Variants in MGAT4C observed in about 807,000 individuals in gnomAD.
The protein encoded by MGAT4C is MGAT4 family member C.
In MGAT4C, 19 loss-of-function variants were observed where a neutral mutation model predicts 40.1. That is an observed-to-expected ratio of 0.47 (90% CI 0.33 to 0.70). The LOEUF is 0.70. Among genes scored for constraint, MGAT4C ranks in the 30% least tolerant of loss-of-function variants. The probability of loss-of-function intolerance (pLI) is 0.02; values close to 1 mark genes in which losing one functional copy is unlikely to be tolerated. For missense variants in MGAT4C, 491 were observed against 563.2 expected (o/e 0.87, Z 1.30); for synonymous variants, 181 against 187.1 (o/e 0.97, Z 0.27).
At chr12:86,223,757 C>A (rs1397928407) in intron 1 of MGAT4C, among the ~76,000 whole-genome samples, 1 of 152,190 alleles carries the variant, frequency 6.6e-6, no homozygotes, top group Non-Finnish European at 1.5e-5. Flanking sequence ...TGCCTGAACA[C>A]TCCTTCTAAC....
At chr12:86,134,719 T>C in intron 1 of MGAT4C, among the ~76,000 whole-genome samples, 1 of 152,096 alleles carries the variant, frequency 6.6e-6, no homozygotes, top group Non-Finnish European at 1.5e-5. Flanking sequence ...AATAAAAGCC[T>C]CTCTTTCTGG....
chr12:86,093,981 T>A (rs1873405705), intron 1 of MGAT4C, among the ~76,000 whole-genome samples: 1 of 152,206 alleles, frequency 6.6e-6, no homozygotes, highest in South Asian at 2.1e-4. Flanking sequence ...GTCTTACTCA[T>A]AGACACTGAA....
intron 2 of MGAT4C, among the ~76,000 whole-genome samples, chr12:86,446,684 T>TATATATATATAC (rs1957345279): frequency 7.9e-6 from 1 of 126,598 alleles, no homozygotes; most frequent in African/African-American, 3.1e-5. Flanking sequence ...TATATATATA[T>TATATATATATAC]ATATATATAT....
At chr12:86,694,672 G>T (rs1010828202) in intron 2 of MGAT4C, among the ~76,000 whole-genome samples, 1 of 152,150 alleles carries the variant, frequency 6.6e-6, no homozygotes, top group Non-Finnish European at 1.5e-5. Context: ...AATTATCAAG[G>T]TTATTTATAC....
chr12:86,207,594 T>C (rs938901044), intron 1 of MGAT4C, among the ~76,000 whole-genome samples: 7 of 152,034 alleles, frequency 4.6e-5, no homozygotes, highest in Non-Finnish European at 8.8e-5. Flanking sequence ...AAAAACAGCA[T>C]GAACAAGAAT....
At position 85,974,580 on chromosome 12, in the gene MGAT4C, G is replaced by A. The variant is rs539278810; in HGVS notation, c.*4709C>T. ...ACACAGATTGAGAGATTAACCATAT[G>A]TAGATACACACATGCACATATGCAA... On this transcript the variant is annotated 3_prime_UTR_variant, in exon 5 of 5. Coordinates refer to ENST00000611864, the MANE Select transcript of MGAT4C (RefSeq NM_001351288.2). The A allele has an allele frequency of 4.7e-5, 7 of 150,432 alleles. No individual in the cohort carries two copies. In the East Asian group the frequency reaches 9.7e-4, roughly 21 times the overall value. 9.3% of individuals were successfully genotyped at this position (150,432 alleles called of 1,614,324 possible). A position where few individuals can be genotyped will look rare whatever the true frequency, so the allele number is the denominator to read the frequency against.
At chr12:86,466,511 AAGTC>A (rs1384932487) in intron 2 of MGAT4C, among the ~76,000 whole-genome samples, 2 of 152,208 alleles carry the variant, frequency 1.3e-5, no homozygotes, top group African/African-American at 4.8e-5. Flanking sequence ...TGACAGTAAA[AAGTC>A]AGGTGATTGC....
At chr12:86,140,607 T>C (rs1000626246) in intron 1 of MGAT4C, among the ~76,000 whole-genome samples, 9 of 152,170 alleles carry the variant, frequency 5.9e-5, no homozygotes, top group African/African-American at 9.6e-5. Context: ...TGTATACCTA[T>C]GTAACCTGCA....
intron 3 of MGAT4C, among the ~76,000 whole-genome samples, chr12:86,407,980 A>G (rs1956508592): frequency 6.6e-6 from 1 of 152,114 alleles, no homozygotes; most frequent in South Asian, 2.1e-4. Context: ...CAATCTAAAC[A>G]TGGGTATATA....
chr12:86,022,708 CTAAAA>C (rs1252844279), intron 2 of MGAT4C, among the ~76,000 whole-genome samples: 2 of 152,042 alleles, frequency 1.3e-5, no homozygotes, highest in Admixed American at 6.6e-5. Flanking sequence ...GACCCTGTCT[CTAAAA>C]TAAAATAAGT....
At chr12:86,138,616 T>C (rs1262517291) in intron 1 of MGAT4C, among the ~76,000 whole-genome samples, 1 of 146,670 alleles carries the variant, frequency 6.8e-6, no homozygotes, top group African/African-American at 2.5e-5. Context: ...CATAGATATA[T>C]CATATATATA....
chr12:86,812,003 T>A (rs1446857730), intron 1 of MGAT4C, among the ~76,000 whole-genome samples: 1 of 152,272 alleles, frequency 6.6e-6, no homozygotes, highest in Non-Finnish European at 1.5e-5. Flanking sequence ...CATTTTTGTA[T>A]GCTCCATATG....
At chr12:86,329,834 A>G (rs1264432870) in intron 4 of MGAT4C, among the ~76,000 whole-genome samples, 1 of 152,210 alleles carries the variant, frequency 6.6e-6, no homozygotes, top group Non-Finnish European at 1.5e-5. Context: ...AAAATTTACA[A>G]TGGTAAATCC....
intron 1 of MGAT4C, among the ~76,000 whole-genome samples, chr12:86,081,447 A>G (rs997518766): frequency 1.3e-5 from 2 of 152,118 alleles, no homozygotes; most frequent in Non-Finnish European, 2.9e-5. Flanking sequence ...ATAATATTAC[A>G]TTTGTTTTGA....
At chr12:86,747,628 A>C (rs535353628) in intron 1 of MGAT4C, among the ~76,000 whole-genome samples, 1 of 151,766 alleles carries the variant, frequency 6.6e-6, no homozygotes, top group African/African-American at 2.4e-5. Context: ...AGCAAATTTC[A>C]CTATAGTTTT....
At chr12:86,244,084 T>C (rs1300430294) in intron 1 of MGAT4C, among the ~76,000 whole-genome samples, 1 of 152,130 alleles carries the variant, frequency 6.6e-6, no homozygotes, top group Non-Finnish European at 1.5e-5. Context: ...GCAAGAGAAA[T>C]GCTTATAAAT....
chr12:86,630,140 C>CTA (rs1165406719), intron 2 of MGAT4C, among the ~76,000 whole-genome samples: 1 of 152,124 alleles, frequency 6.6e-6, no homozygotes, highest in Non-Finnish European at 1.5e-5. Context: ...CGCAAATAGA[C>CTA]TAGAAAATCT....
chr12:86,698,412 A>C (rs1418710016), intron 2 of MGAT4C, among the ~76,000 whole-genome samples: 1 of 151,930 alleles, frequency 6.6e-6, no homozygotes, highest in Non-Finnish European at 1.5e-5. Flanking sequence ...TGAACTTAAC[A>C]GATTGGCAAA....
At chr12:86,381,808 G>T (rs1170831200) in intron 3 of MGAT4C, among the ~76,000 whole-genome samples, 2 of 152,118 alleles carry the variant, frequency 1.3e-5, no homozygotes, top group African/African-American at 4.8e-5. Flanking sequence ...TTGAGTCACG[G>T]GGGCAGGTCT....
Sources: allele counts gnomAD v4.1 joint callset (sites outside exome capture counted in the v4.1 genomes callset), GRCh38; gene constraint gnomAD v4.1.1; transcripts MANE v1.5; gene names NCBI Gene and HGNC (gene_info 2026-07-23, HGNC 2026-07-21).